FASTKD1: variants seen among roughly 807,000 people sequenced by gnomAD.
The protein encoded by FASTKD1 is FAST kinase domain-containing protein 1, mitochondrial.
A neutral mutation model predicts 90.9 loss-of-function variants in FASTKD1; 94 were observed. The observed-to-expected ratio is 1.03, with a 90% confidence interval of 0.88 to 1.23. FASTKD1 has a LOEUF of 1.23. Among genes scored for constraint, FASTKD1 ranks in the 50% most tolerant of loss-of-function variants. FASTKD1 has a pLI of 0.00. For synonymous variants in FASTKD1, 319 were observed against 345.8 expected (o/e 0.92, Z 0.86); for missense variants, 945 against 993.5 (o/e 0.95, Z 0.66).
At position 169,529,759 on chromosome 2, in the gene FASTKD1, G is replaced by T; in HGVS notation, c.*66C>A. 1 of 1,111,794 alleles carries T rather than the reference G, an allele frequency of 9.0e-7. No individual in the cohort carries two copies. The highest frequency in any genetic ancestry group is 1.3e-6 in the Non-Finnish European group (1 of 762,504). 68.9% of individuals were successfully genotyped at this position (1,111,794 alleles called of 1,614,324 possible). ...GGACATTTGTACCTATTTTTTAATT[G>T]AGACAGGCCACTTTATTAAAATAGG... On this transcript the variant is annotated 3_prime_UTR_variant, in exon 15 of 15. Coordinates refer to ENST00000453153, the MANE Select transcript of FASTKD1 (RefSeq NM_024622.6).
intron 5 of FASTKD1, among the ~76,000 whole-genome samples, chr2:169,558,879 G>A (rs1683452945): frequency 1.3e-5 from 2 of 151,942 alleles, no homozygotes. Flanking sequence ...GTGAACCACC[G>A]TGCTGGGCCC....
At position 169,530,622 on chromosome 2, in the gene FASTKD1, G is replaced by GT. The variant is rs566862006; in HGVS notation, c.2406dup (p.Arg803ThrfsTer17). 16,517 of 1,607,978 alleles carry GT rather than the reference G, an allele frequency of 0.01. 104 individuals carry two copies. Among genetic ancestry groups the GT allele is most frequent in the Non-Finnish European group, 0.012 (14,351 of 1,178,020 alleles). On this transcript the variant is annotated frameshift_variant, in exon 14 of 15. Coordinates refer to ENST00000453153, the MANE Select transcript of FASTKD1 (RefSeq NM_024622.6). LOFTEE classifies it high-confidence loss of function. Reference sequence around the variant, plus strand: ...CGATACCCCAGAATTTCCAAATGTCGTTTTTTCATAGCAGATTTTCCTTTC... The same window carrying GT: ...CGATACCCCAGAATTTCCAAATGTCGTTTTTTTCATAGCAGATTTTCCTTTC...
chr2:169,563,135 A>C, intron 4 of FASTKD1, 90 bp downstream of exon 4: 1 of 1,285,510 alleles, frequency 7.8e-7, no homozygotes, highest in Non-Finnish European at 1.1e-6. Flanking sequence ...ACCTTAAGTC[A>C]CATAAACTAA....
intron 7 of FASTKD1, among the ~76,000 whole-genome samples, chr2:169,547,294 G>A (rs1045728120): frequency 2.0e-5 from 3 of 152,190 alleles, no homozygotes; most frequent in African/African-American, 7.2e-5. Flanking sequence ...CCACGTGTTC[G>A]GCTATCCGGA....
chr2:169,557,183 AT>A lies in FASTKD1; in HGVS notation c.1082+3del. The A allele has an allele frequency of 6.4e-7, 1 of 1,569,784 alleles. No individual in the cohort carries two copies. Among genetic ancestry groups the A allele is most frequent in the Non-Finnish European group, 8.8e-7 (1 of 1,140,840 alleles). ...CTTAACGTCGTAAATTTCAGAAAAG[AT>A]ACCTTTTAATCAGACATGAGTTTCT... On this transcript the variant is annotated splice_donor_region_variant and intron_variant, in intron 6 of 14. Transcript: ENST00000453153.
intron 3 of FASTKD1, among the ~76,000 whole-genome samples, chr2:169,567,868 C>T (rs1486072452): frequency 6.6e-6 from 1 of 152,088 alleles, no homozygotes; most frequent in Non-Finnish European, 1.5e-5. Flanking sequence ...TAACAATAGA[C>T]TACAATCATC....
Position 169,555,240 on chromosome 2 carries a change from C to G in FASTKD1, c.1098G>C (p.Leu366=). The change falls in exon 7 of 15, where the codon CTG becomes CTC. Residue 366 remains leucine, a synonymous_variant. Coordinates refer to ENST00000453153, the MANE Select transcript of FASTKD1 (RefSeq NM_024622.6). ...SCLIKRVTSV[L]HKHLDGYKPL... is the part of the protein sequence containing the mutation. ...GTTTATAGCCATCCAAATGTTTATGCAGAACTGAAGTAACTCTAAAAAGGA... is the reference window on the plus strand; with the variant it reads ...GTTTATAGCCATCCAAATGTTTATGGAGAACTGAAGTAACTCTAAAAAGGA... 1 of 1,608,700 alleles carries G rather than the reference C, an allele frequency of 6.2e-7. No homozygotes were observed. The highest frequency in any genetic ancestry group is 2.2e-5 in the East Asian group (1 of 44,798).
intron 14 of FASTKD1, 46 bp from the exon 15 acceptor site, chr2:169,529,972 C>T: frequency 7.5e-7 from 1 of 1,337,104 alleles, no homozygotes; most frequent in Non-Finnish European, 1.1e-6. Context: ...AAAGCAACAA[C>T]AAAAAACATT....
intron 12 of FASTKD1, among the ~76,000 whole-genome samples, chr2:169,533,644 T>C (rs1486679620): frequency 6.6e-6 from 1 of 152,188 alleles, no homozygotes; most frequent in Non-Finnish European, 1.5e-5. Context: ...ATTGTTGTTA[T>C]ATGAAATTGC....
Position 169,555,098 on chromosome 2 carries a change from AAACAAAATTTCTATT to A in FASTKD1, c.1214+11_1214+25del. ...TATTGTGGCTAGAAAATGAAACACT[AAACAAAATTTCTATT>A]TTAATCTTACCTAAGCAGTAATTCT... On this transcript the variant is annotated intron_variant, in intron 7 of 14. Coordinates refer to ENST00000453153, the MANE Select transcript of FASTKD1 (RefSeq NM_024622.6). The A allele has an allele frequency of 6.3e-7, 1 of 1,595,080 alleles. No homozygotes were observed. Among genetic ancestry groups the A allele is most frequent in the East Asian group, 2.2e-5 (1 of 44,658 alleles).
chr2:169,560,839 CTTTTTTTTTTTT>C (rs1204635514), intron 4 of FASTKD1, 54 bp from the exon 5 acceptor site: 14 of 249,084 alleles, frequency 5.6e-5, no homozygotes, highest in Admixed American at 1.1e-4. Context: ...ATGATCAATT[CTTTTTTTTTTTT>C]TTTTTTTTTT....
intron 12 of FASTKD1, 109 bp downstream of exon 12, chr2:169,537,118 C>G: frequency 1.3e-5 from 8 of 618,140 alleles, no homozygotes; most frequent in Non-Finnish European, 2.2e-5. Context: ...ATAATAATAA[C>G]AACTTGAAAA....
intron 3 of FASTKD1, among the ~76,000 whole-genome samples, chr2:169,565,414 C>T (rs1040334376): frequency 6.6e-6 from 1 of 151,714 alleles, no homozygotes; most frequent in Non-Finnish European, 1.5e-5. Context: ...AGGCGCCCGC[C>T]ACCACGCCCG....
At chr2:169,559,772 T>C (rs1009476399) in intron 5 of FASTKD1, among the ~76,000 whole-genome samples, 1 of 152,120 alleles carries the variant, frequency 6.6e-6, no homozygotes, top group Admixed American at 6.5e-5. Flanking sequence ...TTATGTCTAG[T>C]ATAAATCCAG....
intron 7 of FASTKD1, among the ~76,000 whole-genome samples, chr2:169,552,712 A>G (rs1685545166): frequency 6.6e-6 from 1 of 152,190 alleles, no homozygotes; most frequent in Admixed American, 6.5e-5. Context: ...AAAGGCATAC[A>G]GAGTGATATA....
intron 3 of FASTKD1, among the ~76,000 whole-genome samples, chr2:169,568,628 T>TAAAAAAAA (rs10618482): frequency 4.8e-5 from 2 of 41,506 alleles, no homozygotes; most frequent in African/African-American, 6.6e-5. Flanking sequence ...CCCTGTCCAT[T>TAAAAAAAA]AAAAAAAAAA....
intron 4 of FASTKD1, among the ~76,000 whole-genome samples, chr2:169,561,698 T>C (rs116123045): frequency 0.068 from 9,974 of 146,774 alleles, 419 homozygotes; most frequent in African/African-American, 0.1. Flanking sequence ...TTATAAATTA[T>C]TAATCTATTA....
chr2:169,544,774 G>T lies in FASTKD1; in HGVS notation c.1763C>A (p.Pro588His). 1 of 1,613,048 alleles carries T rather than the reference G, an allele frequency of 6.2e-7. No individual in the cohort carries two copies. The highest frequency in any genetic ancestry group is 2.2e-5 in the East Asian group (1 of 44,846). Residue 588 changes from proline (P) to histidine (H), a missense_variant, in exon 9 of 15, where the codon CCT becomes CAT. By Grantham distance (77) the Pro-to-His change is moderately conservative. Coordinates refer to ENST00000453153, the MANE Select transcript of FASTKD1 (RefSeq NM_024622.6). Reference sequence around the variant, plus strand: ...AGTTCCCAAAAATTCATCCCTTTGAGGTGGATCATAGTTCAATACGCTGAA... The same window carrying T: ...AGTTCCCAAAAATTCATCCCTTTGATGTGGATCATAGTTCAATACGCTGAA... ...RPFSVLNYDP[P>H]QRDEFLGTCV...
chr2:169,531,310 C>T (rs1375007915), intron 13 of FASTKD1, 42 bp downstream of exon 13: 1 of 1,586,298 alleles, frequency 6.3e-7, no homozygotes, highest in African/African-American at 1.3e-5. Context: ...CCAAATTTAA[C>T]ATTTAGATAT....
Sources: gnomAD v4.1 joint callset for allele counts (sites outside exome capture counted in the v4.1 genomes callset) on GRCh38, gnomAD v4.1.1 for gene constraint, MANE v1.5 for transcripts, NCBI Gene and HGNC (gene_info 2026-07-23, HGNC 2026-07-21) for gene names.